The following CCDC171 variants were observed in gnomAD, a reference collection of about 807,000 sequenced individuals.
The protein encoded by CCDC171 is coiled-coil domain containing 171, also known as coiled-coil domain-containing protein 171.
In CCDC171, 177 loss-of-function variants were observed where a neutral mutation model predicts 168.2. That is an observed-to-expected ratio of 1.05 (90% CI 0.93 to 1.19). The LOEUF (loss-of-function observed/expected upper bound fraction) is 1.19. CCDC171 is among the 50% of genes most tolerant of loss of function. The pLI, the probability that CCDC171 is intolerant of heterozygous loss-of-function variation, is 0.00. For missense variants in CCDC171, 1,991 were observed against 1,539.0 expected (o/e 1.29, Z -4.91); for synonymous variants, 687 against 540.8 (o/e 1.27, Z -3.75).
chr9:16,104,410 C>T, the CCDC171 span, among the ~76,000 whole-genome samples: 3 of 152,150 alleles, frequency 2.0e-5, no homozygotes, highest in African/African-American at 7.2e-5. Flanking sequence ...CTATTTCTCC[C>T]TCTCTGCCTT....
chr9:15,695,172 C>G, intron 10 of CCDC171, 63 bp from the exon 11 acceptor site: 2 of 1,007,296 alleles, frequency 2.0e-6, no homozygotes, highest in Non-Finnish European at 3.2e-6. Flanking sequence ...TATATGTTCA[C>G]ACTAAAAATA....
At chr9:15,946,244 C>T (rs1304284231) in intron 25 of CCDC171, among the ~76,000 whole-genome samples, 1 of 151,990 alleles carries the variant, frequency 6.6e-6, no homozygotes, top group African/African-American at 2.4e-5. Context: ...ATCTATATCT[C>T]AGTTTTGGTA....
intron 7 of CCDC171, among the ~76,000 whole-genome samples, chr9:15,627,134 T>C (rs1587533234): frequency 1.3e-5 from 2 of 152,206 alleles, no homozygotes; most frequent in East Asian, 3.8e-4. Flanking sequence ...CTGATGGTAG[T>C]TTGTATTTCC....
chr9:15,842,684 G>T (rs1288493392), intron 21 of CCDC171, among the ~76,000 whole-genome samples: 1 of 151,730 alleles, frequency 6.6e-6, no homozygotes, highest in Non-Finnish European at 1.5e-5. Context: ...AGAGTGAATT[G>T]TTTAGTATGT....
At chr9:15,898,650 A>G (rs893418165) in intron 24 of CCDC171, among the ~76,000 whole-genome samples, 1 of 152,136 alleles carries the variant, frequency 6.6e-6, no homozygotes, top group Admixed American at 6.6e-5. Context: ...ATAAATTTGT[A>G]TATCTTCCCT....
chr9:15,618,752 G>C lies in CCDC171; in HGVS notation c.676-4515G>C, dbSNP rs187745448. On this transcript the variant is annotated intron_variant, in intron 6 of 25. Coordinates refer to ENST00000380701, the MANE Select transcript of CCDC171 (RefSeq NM_173550.4). ...CCCTCCCCACTTCCCCTGGCTGGCT[G>C]GGGGAGGGAGTTGCCCTAGCTCCTT... is the stretch of plus-strand genomic sequence containing the variant. Among the ~76,000 whole-genome samples, 12 of 152,180 alleles carry C rather than the reference G, an allele frequency of 7.9e-5. No homozygotes were observed. The East Asian group carries it at 2.1e-3, about 27-fold the overall frequency.
the CCDC171 span, among the ~76,000 whole-genome samples, chr9:16,078,388 T>C: frequency 6.6e-6 from 1 of 152,126 alleles, no homozygotes; most frequent in Admixed American, 6.5e-5. Context: ...ACATTGCTTA[T>C]GGTCGGTGGT....
At chr9:15,763,484 C>G (rs1160603662) in intron 18 of CCDC171, among the ~76,000 whole-genome samples, 2 of 152,146 alleles carry the variant, frequency 1.3e-5, no homozygotes, top group East Asian at 3.9e-4. Flanking sequence ...TTAGCATAAA[C>G]TATCAGATGC....
intron 4 of CCDC171, among the ~76,000 whole-genome samples, chr9:15,581,476 A>G (rs962858316): frequency 1.3e-5 from 2 of 152,216 alleles, no homozygotes; most frequent in Non-Finnish European, 2.9e-5. Flanking sequence ...TTGCCAAGAC[A>G]ATCCTAAGCA....
chr9:15,746,822 G>A (rs2055324988), intron 18 of CCDC171, among the ~76,000 whole-genome samples: 1 of 152,214 alleles, frequency 6.6e-6, no homozygotes, highest in South Asian at 2.1e-4. Context: ...AAGCACAAGG[G>A]GTCAGGGGAT....
At chr9:16,089,947 T>C in the CCDC171 span, among the ~76,000 whole-genome samples, 4 of 152,112 alleles carry the variant, frequency 2.6e-5, no homozygotes, top group Non-Finnish European at 4.4e-5. Context: ...TGTGGAGAAA[T>C]AGGAAAGCTT....
chr9:15,560,392 A>G (rs2039190537), intron 1 of CCDC171, among the ~76,000 whole-genome samples: 1 of 152,058 alleles, frequency 6.6e-6, no homozygotes, highest in South Asian at 2.1e-4. Context: ...GTCTTTTCAC[A>G]TAGTCCTGTA....
intron 18 of CCDC171, among the ~76,000 whole-genome samples, chr9:15,765,985 C>T (rs530379149): frequency 6.6e-4 from 101 of 152,120 alleles, no homozygotes; most frequent in Non-Finnish European, 1.2e-3. Flanking sequence ...CAGTACCTCC[C>T]TCCAGAGCGG....
At chr9:15,800,038 C>T (rs1045458384) in intron 21 of CCDC171, among the ~76,000 whole-genome samples, 2 of 152,080 alleles carry the variant, frequency 1.3e-5, no homozygotes, top group Non-Finnish European at 2.9e-5. Context: ...TAGGTTGCTT[C>T]CAAATCTTGG....
intron 4 of CCDC171, chr9:16,022,235 G>C (rs867387962): frequency 1.3e-5 from 2 of 152,264 alleles, no homozygotes; most frequent in African/African-American, 2.4e-5. Context: ...GGTCTTGAAC[G>C]TACTGGTTCA....
intron 10 of CCDC171, among the ~76,000 whole-genome samples, chr9:15,689,539 C>T (rs998978339): frequency 2.0e-5 from 3 of 152,182 alleles, no homozygotes; most frequent in East Asian, 1.9e-4. Flanking sequence ...GGTGAAACCC[C>T]GTCTCTACTA....
At chr9:16,083,585 T>C in the CCDC171 span, among the ~76,000 whole-genome samples, 8 of 152,330 alleles carry the variant, frequency 5.3e-5, no homozygotes, top group Non-Finnish European at 1.0e-4. Context: ...GGTTAAATCA[T>C]TTCTGTGTTG....
intron 21 of CCDC171, among the ~76,000 whole-genome samples, chr9:15,800,287 C>T (rs1181795428): frequency 2.0e-5 from 3 of 152,014 alleles, no homozygotes; most frequent in Non-Finnish European, 4.4e-5. Context: ...TACTCCCTGT[C>T]TTTAGGATAA....
At chr9:16,008,678 G>A (rs1380626782) in intron 3 of CCDC171, among the ~76,000 whole-genome samples, 1 of 152,108 alleles carries the variant, frequency 6.6e-6, no homozygotes, top group Admixed American at 6.5e-5. Flanking sequence ...TGGGCCCCAG[G>A]TCTTGCCCCT....
Sources: gnomAD v4.1 joint callset for allele counts (sites outside exome capture counted in the v4.1 genomes callset) on GRCh38, gnomAD v4.1.1 for gene constraint, MANE v1.5 for transcripts, NCBI Gene and HGNC (gene_info 2026-07-23, HGNC 2026-07-21) for gene names.